Variants in TUBGCP4 observed in about 807,000 individuals in gnomAD.
TUBGCP4 encodes tubulin gamma complex component 4.
In TUBGCP4, 54 loss-of-function variants were observed where a neutral mutation model predicts 91.6. The ratio of observed to expected loss-of-function variants is 0.59; its 90% confidence interval spans 0.47 to 0.74. The LOEUF is 0.74. Ranked by LOEUF, TUBGCP4 falls within the 30% of genes least tolerant of loss-of-function variation. The probability of loss-of-function intolerance (pLI) is 0.00; values close to 1 mark genes in which losing one functional copy is unlikely to be tolerated. For synonymous variants in TUBGCP4, 297 were observed against 302.8 expected, an observed-to-expected ratio of 0.98 and a Z score of 0.20; for missense variants, 593 against 800.9, an observed-to-expected ratio of 0.74 and a Z score of 3.13.
At chr15:43,384,505 G>T (rs1250779864) in intron 7 of TUBGCP4, among the ~76,000 whole-genome samples, 1 of 152,180 alleles carries the variant, frequency 6.6e-6, no homozygotes, top group African/African-American at 2.4e-5. Context: ...TATGTGTAAA[G>T]GTACAGGGGC....
chr15:43,397,111 G>C (rs2044594380), intron 11 of TUBGCP4, 103 bp from the exon 12 acceptor site: 1 of 798,924 alleles, frequency 1.3e-6, no homozygotes, highest in African/African-American at 1.7e-5. Context: ...ACTGTGTCCT[G>C]CTGTTAGCAT....
chr15:43,373,645 CTTTTTTT>C (rs767035742), intron 1 of TUBGCP4, among the ~76,000 whole-genome samples: 1 of 129,652 alleles, frequency 7.7e-6, no homozygotes, highest in African/African-American at 2.8e-5. Flanking sequence ...AGACCAGGTT[CTTTTTTT>C]TTTTTTTTTT....
rs1230333750 is a variant in TUBGCP4 at position 43,407,992 on chromosome 15, A to T, written c.*2778A>T. The T allele has an allele frequency of 6.2e-7, 1 of 1,614,082 alleles. No homozygotes were observed. The highest frequency in any genetic ancestry group is 1.3e-5 in the African/African-American group (1 of 75,048). On this transcript the variant is annotated 3_prime_UTR_variant, in exon 18 of 18. Coordinates refer to ENST00000564079, the MANE Select transcript of TUBGCP4 (RefSeq NM_014444.5). Reference sequence around the variant, plus strand: ...GCTGCTTCACAGAGGCTGCACCACCAGTCATGAGGATCTCAGACCAGAGCT... The same window carrying T: ...GCTGCTTCACAGAGGCTGCACCACCTGTCATGAGGATCTCAGACCAGAGCT...
In TUBGCP4 at chr15:43,407,693, A is replaced by G. The variant is rs1248366445; in HGVS notation, c.*2479A>G. The G allele has an allele frequency of 1.1e-6, 1 of 931,644 alleles. No homozygotes were observed. Among genetic ancestry groups the G allele is most frequent in the Non-Finnish European group, 1.6e-6 (1 of 627,228 alleles). 57.7% of individuals were successfully genotyped at this position (931,644 alleles called of 1,614,324 possible). On this transcript the variant is annotated 3_prime_UTR_variant, in exon 18 of 18. Coordinates refer to ENST00000564079, the MANE Select transcript of TUBGCP4 (RefSeq NM_014444.5). ...ACAAACCAAAGCCCTATTATGTCAAACACACTGCTACTGATCATGACCAAA... is the reference window on the plus strand; with the variant it reads ...ACAAACCAAAGCCCTATTATGTCAAGCACACTGCTACTGATCATGACCAAA...
chr15:43,396,708 G>A (rs2044585707), intron 11 of TUBGCP4, among the ~76,000 whole-genome samples: 1 of 152,096 alleles, frequency 6.6e-6, no homozygotes, highest in South Asian at 2.1e-4. Context: ...TTAGGACTTG[G>A]TCTCTTTCCA....
chr15:43,379,872 T>C (rs2044262517), intron 5 of TUBGCP4, among the ~76,000 whole-genome samples: 1 of 152,218 alleles, frequency 6.6e-6, no homozygotes, highest in South Asian at 2.1e-4. Context: ...TGCTGGGTTC[T>C]AACCAAGAGT....
rs1483303609 is a variant in TUBGCP4 at position 43,397,936 on chromosome 15, T to G, written c.1280-105T>G. The G allele has an allele frequency of 2.5e-6, 3 of 1,199,738 alleles. No individual in the cohort carries two copies. The African/African-American group carries it at 4.7e-5, about 19-fold the overall frequency. 74.3% of individuals were successfully genotyped at this position (1,199,738 alleles called of 1,614,324 possible). A position where few individuals can be genotyped will look rare whatever the true frequency, so the allele number is the denominator to read the frequency against. On this transcript the variant is annotated intron_variant, in intron 12 of 17. Coordinates refer to ENST00000564079, the MANE Select transcript of TUBGCP4 (RefSeq NM_014444.5). ...TGTATTGCCCAGACTGGTCTTGAACTCCTGTGAGCTCTAGTTTCATTAATG... is the reference window on the plus strand; with the variant it reads ...TGTATTGCCCAGACTGGTCTTGAACGCCTGTGAGCTCTAGTTTCATTAATG...
intron 9 of TUBGCP4, among the ~76,000 whole-genome samples, chr15:43,388,616 T>C (rs2044419059): frequency 6.6e-6 from 1 of 152,250 alleles, no homozygotes; most frequent in Non-Finnish European, 1.5e-5. Flanking sequence ...CTTTGGAAAG[T>C]ATAATTAATG....
chr15:43,403,583 A>G (rs2044749611), intron 15 of TUBGCP4, 100 bp from the exon 16 acceptor site: 1 of 881,640 alleles, frequency 1.1e-6, no homozygotes, highest in Non-Finnish European at 1.8e-6. Context: ...GAGGTCAGCT[A>G]TTAATTAGAT....
intron 8 of TUBGCP4, 64 bp downstream of exon 8, chr15:43,386,020 C>A: frequency 1.3e-6 from 2 of 1,584,298 alleles, no homozygotes; most frequent in Admixed American, 1.7e-5. Flanking sequence ...TACTATGTGG[C>A]CCCACAGCAT....
At chr15:43,377,793 T>G in intron 4 of TUBGCP4, 54 bp from the exon 5 acceptor site, 1 of 1,413,134 alleles carries the variant, frequency 7.1e-7, no homozygotes, top group Non-Finnish European at 9.8e-7. Flanking sequence ...CCAAGTTGAT[T>G]TTTTTTCCCT....
intron 11 of TUBGCP4, among the ~76,000 whole-genome samples, chr15:43,396,430 T>C (rs1477872164): frequency 2.0e-5 from 3 of 151,954 alleles, no homozygotes; most frequent in African/African-American, 4.8e-5. Context: ...ATGAGTAGAG[T>C]TGGGTAAGGA....
Position 43,406,308 on chromosome 15 carries a change from G to A in TUBGCP4, c.*1094G>A. 3.9e-6 allele frequency: 1 copy of A among 253,546 alleles called. No homozygotes were observed. The highest frequency in any genetic ancestry group is 4.8e-5 in the Admixed American group (1 of 20,642). 15.7% of individuals were successfully genotyped at this position (253,546 alleles called of 1,614,324 possible). ...TGCAGTGTTCTGGCATCAGGTTATA[G>A]TCACTGCATCTGGTTTTCATCACTA... On this transcript the variant is annotated 3_prime_UTR_variant, in exon 18 of 18. Coordinates refer to ENST00000564079, the MANE Select transcript of TUBGCP4 (RefSeq NM_014444.5).
At position 43,379,152 on chromosome 15, in the gene TUBGCP4, G is replaced by A. The variant is rs77987281; in HGVS notation, c.442-932G>A. ...TCTTCAGAGTTTTTAAAATCAGGTG[G>A]TCAAAATTCTAGGTTTGGGTTGAGA... is the stretch of plus-strand genomic sequence containing the variant. On this transcript the variant is annotated intron_variant, in intron 5 of 17. Coordinates refer to ENST00000564079, the MANE Select transcript of TUBGCP4 (RefSeq NM_014444.5). 1.1e-4 allele frequency among the ~76,000 whole-genome samples: 17 copies of A among 152,330 alleles called. No individual in the cohort carries two copies. The East Asian group carries it at 3.3e-3, about 29-fold the overall frequency.
At position 43,407,997 on chromosome 15, in the gene TUBGCP4, T is replaced by A. The variant is rs1566911010; in HGVS notation, c.*2783T>A. ...TTCACAGAGGCTGCACCACCAGTCA[T>A]GAGGATCTCAGACCAGAGCTCCAGG... On this transcript the variant is annotated 3_prime_UTR_variant, in exon 18 of 18. Transcript: ENST00000564079. 1 of 1,614,068 alleles carries A rather than the reference T, an allele frequency of 6.2e-7. No individual in the cohort carries two copies. Among genetic ancestry groups the A allele is most frequent in the East Asian group, 2.2e-5 (1 of 44,874 alleles).
chr15:43,399,983 G>A (rs899693532), intron 13 of TUBGCP4, 61 bp from the exon 14 acceptor site: 17 of 1,412,430 alleles, frequency 1.2e-5, no homozygotes, highest in South Asian at 7.7e-5. Flanking sequence ...AGAGTCTGTC[G>A]TGTGGGGGAA....
intron 1 of TUBGCP4, among the ~76,000 whole-genome samples, chr15:43,374,243 G>A (rs1412494603): frequency 6.6e-6 from 1 of 152,120 alleles, no homozygotes; most frequent in Non-Finnish European, 1.5e-5. Context: ...TATTAGCACA[G>A]TACCTGGGAT....
At chr15:43,392,301 A>G (rs2044487804) in intron 9 of TUBGCP4, among the ~76,000 whole-genome samples, 1 of 151,764 alleles carries the variant, frequency 6.6e-6, no homozygotes, top group African/African-American at 2.4e-5. Context: ...GTGTCTCACA[A>G]GTTTTTGGCA....
intron 3 of TUBGCP4, 47 bp downstream of exon 3, chr15:43,376,672 G>T (rs781323900): frequency 3.1e-5 from 50 of 1,611,006 alleles, no homozygotes; most frequent in Non-Finnish European, 4.1e-5. Flanking sequence ...AGTAGATTAG[G>T]GCATGTTCTT....
Sources: gnomAD v4.1 joint callset for allele counts (sites outside exome capture counted in the v4.1 genomes callset) on GRCh38, gnomAD v4.1.1 for gene constraint, MANE v1.5 for transcripts, NCBI Gene and HGNC (gene_info 2026-07-23, HGNC 2026-07-21) for gene names.